Variants in LIPC observed in about 807,000 individuals in gnomAD.
LIPC encodes hepatic triacylglycerol lipase.
A neutral mutation model predicts 50.7 loss-of-function variants in LIPC; 44 were observed. The ratio of observed to expected loss-of-function variants is 0.87; its 90% CI spans 0.68 to 1.11. LIPC has a LOEUF of 1.11. Among genes scored for constraint, LIPC ranks in the 50% most tolerant of loss-of-function variants. The probability of loss-of-function intolerance (pLI) is 0.00; values close to 1 mark genes in which losing one functional copy is unlikely to be tolerated. For synonymous variants in LIPC, 271 were observed against 256.4 expected (o/e 1.06, Z -0.54); for missense variants, 697 against 648.2 (o/e 1.08, Z -0.82).
intron 1 of LIPC, among the ~76,000 whole-genome samples, chr15:58,519,175 G>A (rs1052989088): frequency 9.2e-5 from 14 of 152,054 alleles, no homozygotes; most frequent in Non-Finnish European, 1.5e-4. Flanking sequence ...TCAGGAGGCC[G>A]AGGCAGGCAG....
At chr15:58,491,142 CA>C (rs1891572920) in intron 1 of LIPC, among the ~76,000 whole-genome samples, 1 of 152,190 alleles carries the variant, frequency 6.6e-6, no homozygotes, top group Non-Finnish European at 1.5e-5. Context: ...CGCAAGAGGA[CA>C]GACATCCCGT....
In LIPC at chr15:58,560,898, C is replaced by G; in HGVS notation, c.1086C>G (p.Asn362Lys). The change falls in exon 7 of 9, where the codon AAC (asparagine) becomes AAG (lysine). Residue 362 changes from asparagine to lysine, a missense_variant. Physicochemically the swap from Asn to Lys is moderately conservative, Grantham distance 94. Coordinates refer to ENST00000299022, the MANE Select transcript of LIPC (RefSeq NM_000236.3). ...YHYQFKIQFI[N>K]QTETPIQTTF... ...ACCAGTTCAAGATCCAGTTCATCAA[C>G]CAAACTGAGACACCAATACAAACAA... is the stretch of plus-strand genomic sequence containing the variant. 1 of 1,473,032 alleles carries G rather than the reference C, an allele frequency of 6.8e-7. No homozygotes were observed. The allele number at this position is 1,473,032 out of a possible 1,614,324, so 91.2% of individuals were successfully genotyped here. A position where few individuals can be genotyped will look rare whatever the true frequency, so the allele number is the denominator to read the frequency against.
intron 1 of LIPC, among the ~76,000 whole-genome samples, chr15:58,516,612 T>G (rs1290292443): frequency 6.6e-6 from 1 of 152,220 alleles, no homozygotes; most frequent in Non-Finnish European, 1.5e-5. Flanking sequence ...AATCTGTTAT[T>G]CATCCCACCT....
chr15:58,498,638 C>G (rs1891861651), intron 1 of LIPC: 1 of 152,126 alleles, frequency 6.6e-6, no homozygotes, highest in South Asian at 2.1e-4. Flanking sequence ...GAAACACTGA[C>G]CTGGCCCAAG....
At chr15:58,546,146 GGGT>G (rs1893522499) in intron 5 of LIPC, among the ~76,000 whole-genome samples, 171 bp downstream of exon 5, 1 of 152,228 alleles carries the variant, frequency 6.6e-6, no homozygotes, top group South Asian at 2.1e-4. Flanking sequence ...GAGTGGGCAA[GGGT>G]GCCTGTCCCC....
chr15:58,556,930 A>C (rs1893973875), intron 6 of LIPC, among the ~76,000 whole-genome samples: 1 of 152,256 alleles, frequency 6.6e-6, no homozygotes, highest in South Asian at 2.1e-4. Context: ...CTATTAGCTC[A>C]ATGTCTGGGA....
intron 6 of LIPC, among the ~76,000 whole-genome samples, chr15:58,551,105 G>A (rs900703564): frequency 6.6e-6 from 1 of 152,024 alleles, no homozygotes; most frequent in Admixed American, 6.6e-5. Context: ...CCAAAGTGCT[G>A]GAATTACAGG....
rs533997311 is a variant in LIPC at position 58,454,654 on chromosome 15, G to A, written c.88+22534G>A. ...TTTTCTAGTCAACAGGTGGGGTTGGGGCCTCTGCTACACACAAGAGGCTTC... is the reference window on the plus strand; with the variant it reads ...TTTTCTAGTCAACAGGTGGGGTTGGAGCCTCTGCTACACACAAGAGGCTTC... On this transcript the variant is annotated intron_variant, in intron 1 of 8. Coordinates refer to ENST00000299022, the MANE Select transcript of LIPC (RefSeq NM_000236.3). 6 of 152,350 alleles carry A rather than the reference G, an allele frequency of 3.9e-5. No individual in the cohort carries two copies. The East Asian group carries it at 1.2e-3, about 29-fold the overall frequency. The allele number at this position is 152,350 out of a possible 1,614,324, so 9.4% of individuals were successfully genotyped here.
intron 1 of LIPC, among the ~76,000 whole-genome samples, chr15:58,526,770 G>T (rs1446390252): frequency 6.6e-6 from 1 of 152,208 alleles, no homozygotes; most frequent in Non-Finnish European, 1.5e-5. Context: ...ACAACACATT[G>T]AATGCCAACC....
chr15:58,478,965 G>A (rs968632525), intron 1 of LIPC, among the ~76,000 whole-genome samples: 2 of 152,316 alleles, frequency 1.3e-5, no homozygotes, highest in South Asian at 2.1e-4. Context: ...ACATTCTGAC[G>A]GGCTCTAGGC....
intron 1 of LIPC, chr15:58,521,397 G>C (rs893438593): frequency 3.3e-5 from 5 of 152,460 alleles, no homozygotes; most frequent in African/African-American, 1.2e-4. Context: ...GGAGCACAGA[G>C]AAGGGCCCCA....
rs1973027 is a variant in LIPC at position 58,548,731 on chromosome 15, T to C, written c.1051+159T>C. ...TCCAGACAGCAACGTTGACACAGCC[T>C]TTCTCCTGTCCCAAGAGTGTGGCCA... On this transcript the variant is annotated intron_variant, in intron 6 of 8. Coordinates refer to ENST00000299022, the MANE Select transcript of LIPC (RefSeq NM_000236.3). Among the ~76,000 whole-genome samples the C allele has an allele frequency of 0.97, 147,622 of 152,258 alleles. 71,738 individuals are homozygous for C. The highest frequency in any genetic ancestry group is 1 in the East Asian group (5,174 of 5,174).
At chr15:58,450,975 A>G (rs1379309060) in intron 1 of LIPC, among the ~76,000 whole-genome samples, 2 of 152,156 alleles carry the variant, frequency 1.3e-5, no homozygotes, top group Non-Finnish European at 1.5e-5. Context: ...TCACATTATA[A>G]GCCATGATGA....
In LIPC at chr15:58,471,329, G is replaced by GGGT. The variant is rs1555399299; in HGVS notation, c.88+39211_88+39212insTGG. Among the ~76,000 whole-genome samples the GGGT allele has an allele frequency of 8.1e-4, 6 of 7,368 alleles. 1 individual carries two copies. The highest frequency in any genetic ancestry group is 1.9e-3 in the Non-Finnish European group (3 of 1,564). 4.8% of individuals were successfully genotyped at this position (7,368 alleles called of 152,430 possible). ...TTTTTTTTGTATTTTTAGTAGAGATGGGGGGGGGTGGTCTCACCATGTTGG... is the reference window on the plus strand; with the variant it reads ...TTTTTTTTGTATTTTTAGTAGAGATGGGTGGGGGGGGTGGTCTCACCATGTTGG... On this transcript the variant is annotated intron_variant, in intron 1 of 8. Coordinates refer to ENST00000299022, the MANE Select transcript of LIPC (RefSeq NM_000236.3).
intron 1 of LIPC, chr15:58,437,029 C>G: frequency 2.7e-6 from 1 of 366,618 alleles, no homozygotes; most frequent in Non-Finnish European, 5.4e-6. Context: ...GTTGGGGACT[C>G]CAGCTACTGC....
At chr15:58,454,831 C>A (rs1894051249) in intron 1 of LIPC, 1 of 152,240 alleles carries the variant, frequency 6.6e-6, no homozygotes, top group African/African-American at 2.4e-5. Context: ...AGCCCTCACC[C>A]TCTCACAAAG....
Position 58,568,901 on chromosome 15 carries a change from C to A in LIPC, c.*74C>A. On this transcript the variant is annotated 3_prime_UTR_variant, in exon 9 of 9. Coordinates refer to ENST00000299022, the MANE Select transcript of LIPC (RefSeq NM_000236.3). ...CTGGAATGGCTGCCTTATTTAGAAGCCAAAATTACATAAAGAATCTCACAC... is the reference window on the plus strand; with the variant it reads ...CTGGAATGGCTGCCTTATTTAGAAGACAAAATTACATAAAGAATCTCACAC... 6 of 788,624 alleles carry A rather than the reference C, an allele frequency of 7.6e-6. No homozygotes were observed. The highest frequency in any genetic ancestry group is 2.5e-4 in the Middle Eastern group (1 of 4,052). 48.9% of individuals were successfully genotyped at this position (788,624 alleles called of 1,614,324 possible). A position where few individuals can be genotyped will look rare whatever the true frequency, so the allele number is the denominator to read the frequency against.
chr15:58,521,896 C>A (rs1429730181), intron 1 of LIPC: 1 of 132,120 alleles, frequency 7.6e-6, no homozygotes, highest in Non-Finnish European at 1.7e-5. Context: ...TGACTAGGAA[C>A]GCTCTGTCAT....
chr15:58,442,979 C>A (rs1466189115), intron 1 of LIPC, among the ~76,000 whole-genome samples: 3 of 152,228 alleles, frequency 2.0e-5, no homozygotes, highest in Non-Finnish European at 4.4e-5. Context: ...GTGGCGTGAT[C>A]TCAGCTCACT....
Sources: allele counts gnomAD v4.1 joint callset (sites outside exome capture counted in the v4.1 genomes callset), GRCh38; gene constraint gnomAD v4.1.1; transcripts MANE v1.5; gene names NCBI Gene and HGNC (gene_info 2026-07-23, HGNC 2026-07-21).